The following PUDP variants were observed in gnomAD, a reference collection of about 807,000 sequenced individuals.
PUDP encodes the protein pseudouridine-5'-phosphatase.
A neutral mutation model predicts 9.4 loss-of-function variants in PUDP; 8 were observed. The ratio of observed to expected loss-of-function variants is 0.85; its 90% CI spans 0.50 to 1.53. PUDP has a LOEUF of 1.53. PUDP is among the 40% of genes most tolerant of loss of function. PUDP has a pLI of 0.00. For missense variants in PUDP, 188 were observed against 189.7 expected (o/e 0.99, Z 0.05); for synonymous variants, 99 against 80.7 (o/e 1.23, Z -1.22).
chrX:6,755,527 C>T (rs187884296), intron 3 of PUDP, among the ~76,000 whole-genome samples: 169 of 111,923 alleles, frequency 1.5e-3, no homozygotes, highest in African/African-American at 4.9e-3. Flanking sequence ...TTTAAGAAGT[C>T]TCCATACCTT....
chrX:6,725,340 A>G (rs1335140525), upstream of PUDP, among the ~76,000 whole-genome samples: 1 of 111,544 alleles, frequency 9.0e-6, no homozygotes, highest in African/African-American at 3.3e-5. Context: ...TCACCTGAGA[A>G]ATGTACATTA....
chrX:6,758,303 A>G (rs754393278), intron 3 of PUDP, among the ~76,000 whole-genome samples: 46 of 109,934 alleles, frequency 4.2e-4, no homozygotes, highest in Non-Finnish European at 7.8e-4. Flanking sequence ...CTCTACAAAA[A>G]TTTTTTTTAA....
At chrX:6,922,831 G>A (rs5978906) in intron 3 of PUDP, among the ~76,000 whole-genome samples, 13,813 of 111,694 alleles carry the variant, frequency 0.12, 845 homozygotes, top group Middle Eastern at 0.21. Context: ...AGCAAACAAC[G>A]ATGCTATTAT....
chrX:7,013,672 C>T (rs762215605), intron 1 of PUDP, among the ~76,000 whole-genome samples: 3 of 112,033 alleles, frequency 2.7e-5, no homozygotes, highest in Admixed American at 9.4e-5. Context: ...GTGGCTCGCC[C>T]GCTTGGTCGC....
intron 1 of PUDP, among the ~76,000 whole-genome samples, chrX:6,712,490 T>A (rs1002203691): frequency 8.9e-6 from 1 of 112,155 alleles, no homozygotes; most frequent in Non-Finnish European, 1.9e-5. Flanking sequence ...AACAGTGCTT[T>A]GGAATATACA....
intron 3 of PUDP, among the ~76,000 whole-genome samples, chrX:6,777,034 A>G (rs888191535): frequency 1.2e-4 from 13 of 112,238 alleles, no homozygotes; most frequent in African/African-American, 4.2e-4. Context: ...GGGAAAACCA[A>G]TACTTTCATT....
At chrX:6,866,561 G>A (rs1927089810) in intron 3 of PUDP, among the ~76,000 whole-genome samples, 2 of 111,004 alleles carry the variant, frequency 1.8e-5, no homozygotes, top group Non-Finnish European at 1.9e-5. Context: ...TGAGAGAGAG[G>A]GGCATCAATT....
At chrX:6,959,416 C>G (rs1361782150) in intron 3 of PUDP, among the ~76,000 whole-genome samples, 1 of 112,152 alleles carries the variant, frequency 8.9e-6, no homozygotes. Context: ...GCTTGACTCC[C>G]CACTGCAGAA....
intron 3 of PUDP, among the ~76,000 whole-genome samples, chrX:6,816,972 CA>C (rs1926256165): frequency 2.1e-5 from 2 of 93,910 alleles, no homozygotes; most frequent in African/African-American, 8.0e-5. Context: ...AATATATATA[CA>C]CATATAGTAT....
chrX:6,973,451 T>G (rs1041793193), intron 3 of PUDP, among the ~76,000 whole-genome samples: 3 of 112,044 alleles, frequency 2.7e-5, no homozygotes, highest in Non-Finnish European at 3.8e-5. Context: ...ATTTCTGCCT[T>G]AATTTCATTA....
At chrX:6,860,313 A>T (rs1186646751) in intron 3 of PUDP, among the ~76,000 whole-genome samples, 1 of 108,925 alleles carries the variant, frequency 9.2e-6, no homozygotes, top group Non-Finnish European at 1.9e-5. Flanking sequence ...TTTTATTTTA[A>T]TTTTTTTTAA....
At chrX:6,776,514 G>C (rs1258653787) in intron 3 of PUDP, among the ~76,000 whole-genome samples, 1 of 111,243 alleles carries the variant, frequency 9.0e-6, no homozygotes, top group Non-Finnish European at 1.9e-5. Context: ...CTGGGTGACA[G>C]AGCAAGAGTC....
chrX:6,976,247 T>A lies in PUDP; in HGVS notation c.*247+886A>T, dbSNP rs981323664. Reference sequence around the variant, plus strand: ...TGGCATTCCAGGAGCCACTGGGGTATGAAAAAAAATCTCCTGCAGCTAGCT... The same window carrying A: ...TGGCATTCCAGGAGCCACTGGGGTAAGAAAAAAAATCTCCTGCAGCTAGCT... On this transcript the variant is annotated intron_variant and NMD_transcript_variant, in intron 3 of 3. Transcript: ENST00000655425. Among the ~76,000 whole-genome samples, 10 of 111,287 alleles carry A rather than the reference T, an allele frequency of 9.0e-5. No homozygotes were observed. In the East Asian group the frequency reaches 1.1e-3, roughly 13 times the overall value.
At chrX:7,006,799 G>C (rs1929409551) in intron 1 of PUDP, among the ~76,000 whole-genome samples, 1 of 111,541 alleles carries the variant, frequency 9.0e-6, no homozygotes, top group Non-Finnish European at 1.9e-5. Flanking sequence ...GGCTATACAT[G>C]AGACTGACAC....
In PUDP at chrX:6,890,632, C is replaced by T. The variant is rs186211942; in HGVS notation, c.*247+86501G>A. On this transcript the variant is annotated intron_variant and NMD_transcript_variant, in intron 3 of 3. Coordinates refer to the PUDP transcript ENST00000655425. Reference sequence around the variant, plus strand: ...TGACTTTCCTTGTTTGAAACAGCTCCCAAGAGTAGACTGCTGCAGTGCTGT... The same window carrying T: ...TGACTTTCCTTGTTTGAAACAGCTCTCAAGAGTAGACTGCTGCAGTGCTGT... Among the ~76,000 whole-genome samples the T allele has an allele frequency of 2.0e-3, 216 of 110,504 alleles. 1 individual carries two copies. The highest frequency in any genetic ancestry group is 3.5e-3 in the Non-Finnish European group (183 of 52,920).
At chrX:7,042,548 T>C (rs996728521) in intron 1 of PUDP, among the ~76,000 whole-genome samples, 1 of 111,860 alleles carries the variant, frequency 8.9e-6, no homozygotes, top group Non-Finnish European at 1.9e-5. Flanking sequence ...CACCCAGCCC[T>C]TCACATTGTT....
intron 1 of PUDP, among the ~76,000 whole-genome samples, chrX:7,135,140 T>C (rs191987494): frequency 9.0e-5 from 10 of 111,456 alleles, no homozygotes; most frequent in Admixed American, 5.7e-4. Context: ...TCCTAAGACC[T>C]TGGTAGCCTC....
intron 1 of PUDP, among the ~76,000 whole-genome samples, chrX:7,110,536 G>A (rs1932016071): frequency 9.0e-6 from 1 of 111,427 alleles, no homozygotes; most frequent in South Asian, 3.8e-4. Flanking sequence ...ATGGTGATAC[G>A]GTTTGGCTGT....
intron 3 of PUDP, among the ~76,000 whole-genome samples, chrX:6,938,606 A>G (rs1602681764): frequency 2.3e-5 from 2 of 87,175 alleles, no homozygotes; most frequent in Admixed American, 1.4e-4. Context: ...CACAATGTGC[A>G]CATGTACCCT....
Sources: gnomAD v4.1 joint callset for allele counts (sites outside exome capture counted in the v4.1 genomes callset) on GRCh38, gnomAD v4.1.1 for gene constraint, MANE v1.5 for transcripts, NCBI Gene and HGNC (gene_info 2026-07-23, HGNC 2026-07-21) for gene names.